MIGA1: variants seen among roughly 807,000 people sequenced by gnomAD.
MIGA1 encodes the protein mitoguardin 1.
Under a neutral mutation model 82.0 loss-of-function variants are expected in MIGA1, and 58 were observed. The ratio of observed to expected loss-of-function variants is 0.71; its 90% CI spans 0.57 to 0.88. The LOEUF (loss-of-function observed/expected upper bound fraction) is 0.88. MIGA1 is among the 40% of genes least tolerant of loss of function. The probability of loss-of-function intolerance (pLI) is 0.00; values close to 1 mark genes in which losing one functional copy is unlikely to be tolerated. For synonymous variants in MIGA1, 249 were observed against 253.6 expected (o/e 0.98, Z 0.17); for missense variants, 751 against 749.1 (o/e 1.00, Z -0.03).
chr1:77,822,607 A>T (rs568174560), intron 7 of MIGA1, among the ~76,000 whole-genome samples: 1 of 152,214 alleles, frequency 6.6e-6, no homozygotes, highest in Non-Finnish European at 1.5e-5. Context: ...TCAAATGTTC[A>T]TAGCTGGTTC....
intron 3 of MIGA1, among the ~76,000 whole-genome samples, chr1:77,802,770 G>A (rs962425538): frequency 2.0e-5 from 3 of 150,732 alleles, no homozygotes; most frequent in African/African-American, 7.3e-5. Context: ...GACAGAGTGA[G>A]ATCTTTTCTC....
At chr1:77,820,057 CA>C (rs1312172549) in intron 7 of MIGA1, among the ~76,000 whole-genome samples, 1 of 150,898 alleles carries the variant, frequency 6.6e-6, no homozygotes, top group African/African-American at 2.4e-5. Context: ...CCACAGCTGA[CA>C]GAGTAAGGAG....
At position 77,863,943 on chromosome 1, in the gene MIGA1, A is replaced by G. The variant is rs777682188; in HGVS notation, c.1424A>G (p.Asp475Gly). The change falls in exon 13 of 16, where the codon GAC becomes GGC. Residue 475 changes from aspartate (D) to glycine (G), a missense_variant. Physicochemically the swap from Asp to Gly is moderately conservative, Grantham distance 94. Transcript: ENST00000370791. ...GTTGTTCTGGATTTTATATTAATGG[A>G]CTCCTTTGAAGATTTGGAAAACCCA... 2 of 1,595,044 alleles carry G rather than the reference A, an allele frequency of 1.3e-6. No homozygotes were observed. Among genetic ancestry groups the G allele is most frequent in the Admixed American group, 1.8e-5 (1 of 56,084 alleles).
At chr1:77,854,935 T>C (rs985586659) in intron 8 of MIGA1, among the ~76,000 whole-genome samples, 1 of 152,232 alleles carries the variant, frequency 6.6e-6, no homozygotes, top group African/African-American at 2.4e-5. Flanking sequence ...TTTATTGCAT[T>C]TGCTTTTGGG....
At chr1:77,857,854 G>T (rs1375786551) in intron 8 of MIGA1, among the ~76,000 whole-genome samples, 1 of 150,314 alleles carries the variant, frequency 6.7e-6, no homozygotes, top group African/African-American at 2.4e-5. Context: ...CTGTCTTTCA[G>T]TTATACAAAA....
At chr1:77,847,613 A>G in intron 8 of MIGA1, 1 of 1,543,582 alleles carries the variant, frequency 6.5e-7, no homozygotes, top group South Asian at 1.1e-5. Context: ...CTGAAGAAGA[A>G]AGAAAAAAGA....
At chr1:77,847,411 A>G in intron 8 of MIGA1, 8 of 1,364,038 alleles carry the variant, frequency 5.9e-6, no homozygotes, top group Non-Finnish European at 7.3e-6. Flanking sequence ...TGAAAGCCCA[A>G]GTATATTCAC....
At chr1:77,856,815 T>G (rs1172158224) in intron 8 of MIGA1, among the ~76,000 whole-genome samples, 3 of 152,182 alleles carry the variant, frequency 2.0e-5, no homozygotes, top group Admixed American at 6.5e-5. Flanking sequence ...ATTTATCTTT[T>G]CAAAGAGCCA....
At chr1:77,824,035 A>G (rs1470642971) in intron 7 of MIGA1, among the ~76,000 whole-genome samples, 1 of 152,212 alleles carries the variant, frequency 6.6e-6, no homozygotes, top group African/African-American at 2.4e-5. Flanking sequence ...ATTCCGTAAC[A>G]TTGCCATCCA....
At position 77,861,312 on chromosome 1, in the gene MIGA1, C is replaced by T. The variant is rs368808406; in HGVS notation, c.1364C>T (p.Ala455Val). 5.6e-5 allele frequency: 90 copies of T among 1,603,512 alleles called. No homozygotes were observed. The highest frequency in any genetic ancestry group is 7.2e-5 in the Non-Finnish European group (84 of 1,173,102). The change falls in exon 12 of 16, where the codon GCT becomes GTT. Residue 455 changes from alanine (A) to valine (V), a missense_variant. Coordinates refer to ENST00000370791, the MANE Select transcript of MIGA1 (RefSeq NM_198549.4). ...TGGGGTAGTACTGAAATGGAACTTG[C>T]TGCTAGAGGGGTAAATTCAAATTTT...
rs1646886135 is a variant in MIGA1, at chr1:77,875,357, T to G, written c.*293T>G. ...TTGAAGCCAATATTTGGGAGTTAAT[T>G]GGTTTGTCTTCTTGAAGCTGTCATT... On this transcript the variant is annotated 3_prime_UTR_variant, in exon 16 of 16. Coordinates refer to ENST00000370791, the MANE Select transcript of MIGA1 (RefSeq NM_198549.4). 1 of 279,712 alleles carries G rather than the reference T, an allele frequency of 3.6e-6. No homozygotes were observed. Among genetic ancestry groups the G allele is most frequent in the East Asian group, 8.0e-5 (1 of 12,438 alleles). The allele number at this position is 279,712 out of a possible 1,614,324, so 17.3% of individuals were successfully genotyped here.
intron 8 of MIGA1, among the ~76,000 whole-genome samples, chr1:77,858,411 A>G (rs907906262): frequency 1.3e-4 from 20 of 152,188 alleles, no homozygotes; most frequent in African/African-American, 4.1e-4. Context: ...TGGATTCAGA[A>G]TGAACTAAGC....
chr1:77,779,941 C>T (rs997441070), intron 1 of MIGA1: 8 of 1,372,266 alleles, frequency 5.8e-6, no homozygotes, highest in Non-Finnish European at 5.6e-6. Context: ...CTCGTCTCAT[C>T]TCAGAAGCTA....
intron 14 of MIGA1, among the ~76,000 whole-genome samples, chr1:77,871,141 G>GGAGAGGGAGAGA: frequency 6.7e-6 from 1 of 148,712 alleles, no homozygotes; most frequent in Non-Finnish European, 1.5e-5. Context: ...AGAGGGAGAG[G>GGAGAGGGAGAGA]GCAGCACATT....
intron 7 of MIGA1, among the ~76,000 whole-genome samples, chr1:77,842,479 C>A (rs1684662407): frequency 6.6e-6 from 1 of 152,150 alleles, no homozygotes; most frequent in African/African-American, 2.4e-5. Context: ...TTGTTTTTGA[C>A]CATTCAGTTT....
chr1:77,870,211 C>T (rs1432680727), intron 14 of MIGA1, among the ~76,000 whole-genome samples: 1,451 of 90,616 alleles, frequency 0.016, 1 homozygote, highest in African/African-American at 0.053. Context: ...GCTGGCCGGG[C>T]GGGGGGCTGA....
At chr1:77,849,932 G>C (rs914461056) in intron 8 of MIGA1, among the ~76,000 whole-genome samples, 20 of 151,988 alleles carry the variant, frequency 1.3e-4, no homozygotes, top group African/African-American at 4.8e-4. Context: ...CTACGTAGTA[G>C]GCTGAGGCAG....
At chr1:77,873,228 G>A in intron 15 of MIGA1, 108 bp downstream of exon 15, 3 of 1,164,548 alleles carry the variant, frequency 2.6e-6, no homozygotes, top group South Asian at 1.5e-5. Flanking sequence ...TTATTTAAGA[G>A]TAAAGTTATA....
chr1:77,856,967 G>C (rs1685284225), intron 8 of MIGA1, among the ~76,000 whole-genome samples: 2 of 152,090 alleles, frequency 1.3e-5, no homozygotes, highest in Non-Finnish European at 2.9e-5. Flanking sequence ...TATGACGTTA[G>C]ATTGTCTGTT....
Sources: allele counts gnomAD v4.1 joint callset (sites outside exome capture counted in the v4.1 genomes callset), GRCh38; gene constraint gnomAD v4.1.1; transcripts MANE v1.5; gene names NCBI Gene and HGNC (gene_info 2026-07-23, HGNC 2026-07-21).